GAPVD1: variants seen among roughly 807,000 people sequenced by gnomAD.
GAPVD1 encodes GTPase-activating protein and VPS9 domain-containing protein 1.
In GAPVD1, 35 loss-of-function variants were observed where a neutral mutation model predicts 155.5. The observed-to-expected ratio is 0.23, with a 90% CI of 0.17 to 0.30. GAPVD1 has a LOEUF of 0.30. GAPVD1 is among the 10% of genes least tolerant of loss of function. The pLI is 1.00. For missense variants in GAPVD1, 1,429 were observed against 1,775.7 expected (o/e 0.80, Z 3.51); for synonymous variants, 636 against 619.7 (o/e 1.03, Z -0.39).
In GAPVD1 at chr9:125,305,667, C is replaced by G. The variant is rs139411214; in HGVS notation, c.1116+518C>G. On this transcript the variant is annotated intron_variant, in intron 6 of 27. Coordinates refer to ENST00000297933, the MANE Select transcript of GAPVD1 (RefSeq NM_001282680.3). Reference sequence around the variant, plus strand: ...TACAGGCGTGAGCCACCGCGCCTGGCCAACTTTTAAATTTTCGAGTCAGTG... The same window carrying G: ...TACAGGCGTGAGCCACCGCGCCTGGGCAACTTTTAAATTTTCGAGTCAGTG... Among the ~76,000 whole-genome samples the G allele has an allele frequency of 5.5e-3, 837 of 151,994 alleles. 4 individuals are homozygous for G. Among genetic ancestry groups the G allele is most frequent in the African/African-American group, 0.019 (800 of 41,458 alleles).
intron 2 of GAPVD1, among the ~76,000 whole-genome samples, chr9:125,279,076 G>A (rs1281265442): frequency 2.0e-5 from 3 of 151,684 alleles, no homozygotes; most frequent in African/African-American, 4.8e-5. Flanking sequence ...GCCAGGTGTG[G>A]TGGTGGGTGC....
At chr9:125,315,705 C>T (rs570308343) in intron 9 of GAPVD1, among the ~76,000 whole-genome samples, 6 of 151,992 alleles carry the variant, frequency 3.9e-5, no homozygotes, top group African/African-American at 1.2e-4. Flanking sequence ...CAGGGCAATC[C>T]GCATACAGAT....
intron 11 of GAPVD1, among the ~76,000 whole-genome samples, chr9:125,325,661 GAA>G (rs945474309): frequency 6.6e-6 from 1 of 151,666 alleles, no homozygotes; most frequent in African/African-American, 2.4e-5. Context: ...TTTTTAGAAA[GAA>G]AAAGAGTATT....
chr9:125,282,391 C>T (rs1007207287), intron 2 of GAPVD1, among the ~76,000 whole-genome samples: 4 of 152,342 alleles, frequency 2.6e-5, no homozygotes, highest in South Asian at 2.1e-4. Flanking sequence ...CCTGCCTTGG[C>T]GTCCCAAAGT....
chr9:125,313,855 C>T (rs1029642595), intron 9 of GAPVD1, among the ~76,000 whole-genome samples: 1 of 152,238 alleles, frequency 6.6e-6, no homozygotes, highest in African/African-American at 2.4e-5. Context: ...CCCACCTTGG[C>T]CTCCCAAAGT....
intron 8 of GAPVD1, among the ~76,000 whole-genome samples, chr9:125,311,065 T>A (rs1842616260): frequency 6.6e-6 from 1 of 151,806 alleles, no homozygotes; most frequent in South Asian, 2.1e-4. Context: ...GGTCTCAAAC[T>A]CCCGACCTCA....
chr9:125,301,311 C>T (rs551452784), intron 4 of GAPVD1, among the ~76,000 whole-genome samples: 1 of 151,992 alleles, frequency 6.6e-6, no homozygotes, highest in Non-Finnish European at 1.5e-5. Flanking sequence ...CTCAAGTGAT[C>T]CTCCCACCTT....
rs541696253 is a variant in GAPVD1 at position 125,323,455 on chromosome 9, G to A, written c.1733-343G>A. ...TGAGTAGCTGGTACTACAGGTGCCC[G>A]CCACCACGCCTGGCTAAATTTTTAT... On this transcript the variant is annotated intron_variant, in intron 10 of 27. Coordinates refer to ENST00000297933, the MANE Select transcript of GAPVD1 (RefSeq NM_001282680.3). Among the ~76,000 whole-genome samples the A allele has an allele frequency of 3.3e-5, 5 of 152,174 alleles. No homozygotes were observed. The East Asian group carries it at 7.8e-4, about 24-fold the overall frequency.
At chr9:125,284,837 CATAAT>C (rs1287841520) in intron 2 of GAPVD1, among the ~76,000 whole-genome samples, 1 of 152,114 alleles carries the variant, frequency 6.6e-6, no homozygotes, top group Non-Finnish European at 1.5e-5. Flanking sequence ...GCAATTATAA[CATAAT>C]AGTAAGTGTT....
chr9:125,363,843 A>G lies in GAPVD1; in HGVS notation c.*1097A>G, dbSNP rs1302886415. 1 of 152,604 alleles carries G rather than the reference A, an allele frequency of 6.6e-6. No homozygotes were observed. The highest frequency in any genetic ancestry group is 1.5e-5 in the Non-Finnish European group (1 of 68,018). 9.5% of individuals were successfully genotyped at this position (152,604 alleles called of 1,614,324 possible). ...ACTATTCTTATGGAAAAAAATATCT[A>G]TTTTGGCAGGTTTCTGTGCCTTTAT... On this transcript the variant is annotated 3_prime_UTR_variant, in exon 28 of 28. Transcript: ENST00000297933.
chr9:125,311,578 G>A (rs1045549413), intron 8 of GAPVD1, among the ~76,000 whole-genome samples: 1 of 152,162 alleles, frequency 6.6e-6, no homozygotes, highest in South Asian at 2.1e-4. Context: ...CCGAGACTGC[G>A]CCATTGCACT....
intron 2 of GAPVD1, among the ~76,000 whole-genome samples, chr9:125,279,209 TA>T (rs200050917): frequency 0.042 from 5,422 of 130,104 alleles, 92 homozygotes; most frequent in Non-Finnish European, 0.054. Context: ...GACTCCATCT[TA>T]AAAAAAAAAA....
intron 6 of GAPVD1, 109 bp downstream of exon 6, chr9:125,305,258 TAGC>T: frequency 4.3e-6 from 3 of 704,218 alleles, no homozygotes; most frequent in Non-Finnish European, 5.0e-6. Context: ...TTCTTTTAAT[TAGC>T]TACAGTATTG....
rs1384483431 is a variant in GAPVD1, at chr9:125,362,652, T to C, written c.4289T>C (p.Phe1430Ser). ...LLSTVQYISSFYASCLSGEES... is the reference protein window; with the variant it reads ...LLSTVQYISSSYASCLSGEES... ...TCTACTGTGCAGTATATCAGTAGCT[T>C]TTATGCTAGCTGTCTGTCTGGAGAG... is the stretch of plus-strand genomic sequence containing the variant. The change falls in exon 28 of 28, where the codon TTT (phenylalanine) becomes TCT (serine). Residue 1430 changes from phenylalanine to serine, a missense_variant. Coordinates refer to ENST00000297933, the MANE Select transcript of GAPVD1 (RefSeq NM_001282680.3). 1 of 1,613,298 alleles carries C rather than the reference T, an allele frequency of 6.2e-7. No homozygotes were observed. The highest frequency in any genetic ancestry group is 2.2e-5 in the East Asian group (1 of 44,868).
intron 4 of GAPVD1, among the ~76,000 whole-genome samples, chr9:125,301,217 C>T (rs762690316): frequency 1.3e-5 from 2 of 151,994 alleles, no homozygotes; most frequent in African/African-American, 2.4e-5. Context: ...TACAGGCACA[C>T]GCCACCACAT....
chr9:125,304,963 C>T, intron 5 of GAPVD1, 100 bp from the exon 6 acceptor site: 1 of 743,216 alleles, frequency 1.3e-6, no homozygotes, highest in Non-Finnish European at 2.3e-6. Context: ...TATTATGAAA[C>T]AGATTTTTAG....
chr9:125,327,684 A>T (rs935105464), intron 12 of GAPVD1, among the ~76,000 whole-genome samples: 1 of 152,080 alleles, frequency 6.6e-6, no homozygotes, highest in African/African-American at 2.4e-5. Flanking sequence ...TTGTATTTTT[A>T]GTAGAGACGG....
chr9:125,347,535 G>A (rs1231854241), intron 20 of GAPVD1, among the ~76,000 whole-genome samples: 2 of 152,118 alleles, frequency 1.3e-5, no homozygotes, highest in Non-Finnish European at 2.9e-5. Context: ...AGACCAGCCT[G>A]GCCAATGTGG....
intron 1 of GAPVD1, chr9:125,263,449 A>G: frequency 1.7e-6 from 1 of 577,440 alleles, no homozygotes; most frequent in South Asian, 1.7e-5. Flanking sequence ...CTCCGTCTCA[A>G]AAAACAAAAC....
Sources: allele counts gnomAD v4.1 joint callset (sites outside exome capture counted in the v4.1 genomes callset), GRCh38; gene constraint gnomAD v4.1.1; transcripts MANE v1.5; gene names NCBI Gene and HGNC (gene_info 2026-07-23, HGNC 2026-07-21).